The following STK32B variants were observed in gnomAD, a reference collection of about 807,000 sequenced individuals.
STK32B encodes serine/threonine-protein kinase 32B.
In STK32B, 43 loss-of-function variants were observed where a neutral mutation model predicts 52.6. The observed-to-expected ratio is 0.82, with a 90% CI of 0.64 to 1.05. The LOEUF (loss-of-function observed/expected upper bound fraction) is 1.05, where lower values mean the gene tolerates loss of function less well. STK32B is among the 50% of genes least tolerant of loss of function. STK32B has a pLI of 0.00. For missense variants in STK32B, 621 were observed against 534.6 expected (o/e 1.16, Z -1.59); for synonymous variants, 238 against 204.3 (o/e 1.17, Z -1.41).
intron 4 of STK32B, among the ~76,000 whole-genome samples, chr4:5,332,722 C>T (rs918548318): frequency 2.6e-5 from 4 of 152,092 alleles, no homozygotes; most frequent in Admixed American, 1.3e-4. Flanking sequence ...GTTCAGTTCC[C>T]ATCTATGAGT....
chr4:5,327,984 G>T (rs1195129979), intron 3 of STK32B, among the ~76,000 whole-genome samples: 2 of 152,200 alleles, frequency 1.3e-5, no homozygotes, highest in African/African-American at 4.8e-5. Flanking sequence ...ATCAACACCT[G>T]CTGCTTCACC....
At chr4:5,364,323 T>C (rs1012104968) in intron 4 of STK32B, among the ~76,000 whole-genome samples, 16 of 152,210 alleles carry the variant, frequency 1.1e-4, no homozygotes, top group Non-Finnish European at 2.1e-4. Context: ...TCTGTTATTA[T>C]TATTATTGGG....
chr4:5,230,208 T>TTTTTTTTTTTTTTTTTTTTTTTTTTTTG (rs58022709), intron 3 of STK32B, among the ~76,000 whole-genome samples: 1 of 103,474 alleles, frequency 9.7e-6, no homozygotes, highest in Non-Finnish European at 2.0e-5. Context: ...TTTTTTTTTT[T>TTTTTTTTTTTTTTTTTTTTTTTTTTTTG]TAGTGGAGTC....
intron 3 of STK32B, among the ~76,000 whole-genome samples, chr4:5,328,869 G>A (rs1400197817): frequency 1.3e-5 from 2 of 152,172 alleles, no homozygotes; most frequent in Non-Finnish European, 2.9e-5. Flanking sequence ...TTTGTTGAGG[G>A]GGAGGAGCAT....
chr4:5,295,293 G>A (rs1037286384), intron 3 of STK32B, among the ~76,000 whole-genome samples: 2 of 152,106 alleles, frequency 1.3e-5, no homozygotes, highest in South Asian at 2.1e-4. Context: ...CTCATAAAAC[G>A]AGTTATGGAG....
At chr4:5,085,036 A>G (rs1050057044) in intron 1 of STK32B, among the ~76,000 whole-genome samples, 2 of 152,208 alleles carry the variant, frequency 1.3e-5, no homozygotes, top group African/African-American at 4.8e-5. Context: ...ATTTTCCAGA[A>G]TGTACTCTGA....
intron 5 of STK32B, among the ~76,000 whole-genome samples, chr4:5,416,527 G>T (rs1712175590): frequency 6.6e-6 from 1 of 152,142 alleles, no homozygotes; most frequent in Admixed American, 6.5e-5. Flanking sequence ...CCTGAGAGAA[G>T]GCGTCTGGAG....
At chr4:5,218,975 C>G (rs1334714968) in intron 3 of STK32B, among the ~76,000 whole-genome samples, 1 of 152,124 alleles carries the variant, frequency 6.6e-6, no homozygotes, top group African/African-American at 2.4e-5. Context: ...GACTCATATT[C>G]CCAATGCTGC....
intron 3 of STK32B, among the ~76,000 whole-genome samples, chr4:5,284,700 A>T (rs1160991319): frequency 6.6e-6 from 1 of 152,198 alleles, no homozygotes; most frequent in African/African-American, 2.4e-5. Context: ...TCTGTTGCCA[A>T]TGCAGTGAGC....
At chr4:5,492,488 G>A (rs888562091) in intron 11 of STK32B, among the ~76,000 whole-genome samples, 1 of 151,906 alleles carries the variant, frequency 6.6e-6, no homozygotes, top group Non-Finnish European at 1.5e-5. Context: ...GAGACAATGG[G>A]GTTTTCTAGA....
At chr4:5,349,850 A>T (rs1733714772) in intron 4 of STK32B, among the ~76,000 whole-genome samples, 2 of 152,198 alleles carry the variant, frequency 1.3e-5, no homozygotes, top group African/African-American at 4.8e-5. Context: ...TACAAAATAC[A>T]TTCAGAGGCT....
intron 1 of STK32B, among the ~76,000 whole-genome samples, chr4:5,079,623 C>A (rs368685620): frequency 1.3e-5 from 2 of 152,094 alleles, no homozygotes; most frequent in Non-Finnish European, 2.9e-5. Flanking sequence ...AATGGAAACT[C>A]CATCTTTTGA....
At chr4:5,038,822 C>G in the STK32B span, among the ~76,000 whole-genome samples, 1 of 152,100 alleles carries the variant, frequency 6.6e-6, no homozygotes. Context: ...TGGCTACACT[C>G]AATTTATAAA....
intron 3 of STK32B, among the ~76,000 whole-genome samples, chr4:5,182,385 C>T (rs973513024): frequency 2.6e-5 from 4 of 152,152 alleles, no homozygotes; most frequent in African/African-American, 9.7e-5. Context: ...AGAAGATTTT[C>T]AATTTACTTT....
At chr4:5,267,787 C>G (rs1269650090) in intron 3 of STK32B, among the ~76,000 whole-genome samples, 1 of 152,198 alleles carries the variant, frequency 6.6e-6, no homozygotes, top group Non-Finnish European at 1.5e-5. Context: ...GCAACCCACT[C>G]TAAAGAGACG....
intron 3 of STK32B, among the ~76,000 whole-genome samples, chr4:5,229,221 A>G (rs1272859785): frequency 1.1e-5 from 1 of 90,464 alleles, no homozygotes; most frequent in Admixed American, 1.1e-4. Context: ...GTCTATATTT[A>G]GTTTTTTTTT....
intron 3 of STK32B, among the ~76,000 whole-genome samples, chr4:5,308,848 T>C (rs890311883): frequency 2.0e-5 from 3 of 152,098 alleles, no homozygotes; most frequent in Admixed American, 6.6e-5. Context: ...CAGACAAGGA[T>C]GCCCACTTTC....
At chr4:5,365,686 A>T (rs950606571) in intron 4 of STK32B, among the ~76,000 whole-genome samples, 1 of 152,214 alleles carries the variant, frequency 6.6e-6, no homozygotes, top group Non-Finnish European at 1.5e-5. Context: ...AGCAGGTGGC[A>T]TTCTCAACAT....
At chr4:5,193,994 A>T (rs1445081405) in intron 3 of STK32B, among the ~76,000 whole-genome samples, 1 of 152,136 alleles carries the variant, frequency 6.6e-6, no homozygotes, top group Non-Finnish European at 1.5e-5. Flanking sequence ...GGCTTTGCAC[A>T]TGTTCTATCT....
Sources: allele counts gnomAD v4.1 joint callset (sites outside exome capture counted in the v4.1 genomes callset), GRCh38; gene constraint gnomAD v4.1.1; transcripts MANE v1.5; gene names NCBI Gene and HGNC (gene_info 2026-07-23, HGNC 2026-07-21).